The following ITGB5 variants were observed in gnomAD, a reference collection of about 807,000 sequenced individuals.
ITGB5 encodes integrin subunit beta 5.
A neutral mutation model predicts 84.8 loss-of-function variants in ITGB5; 38 were observed. The ratio of observed to expected loss-of-function variants is 0.45; its 90% confidence interval spans 0.35 to 0.59. ITGB5 has a LOEUF of 0.59. Ranked by LOEUF, ITGB5 falls within the 20% of genes least tolerant of loss-of-function variation. The pLI is 0.01. For missense variants in ITGB5, 905 were observed against 1,034.5 expected, an observed-to-expected ratio of 0.87 and a Z score of 1.72; for synonymous variants, 393 against 414.4, an observed-to-expected ratio of 0.95 and a Z score of 0.63.
chr3:124,895,412 A>G (rs934800395), intron 1 of ITGB5, among the ~76,000 whole-genome samples: 12 of 152,078 alleles, frequency 7.9e-5, no homozygotes, highest in Non-Finnish European at 1.2e-4. Flanking sequence ...TTTTGTAGAG[A>G]CAGGGGTCCC....
rs773283596 is a variant in ITGB5, at chr3:124,764,671, G to A, written c.2138-114C>T. The A allele has an allele frequency of 2.1e-5, 21 of 992,190 alleles. No individual in the cohort carries two copies. In the South Asian group the frequency reaches 2.4e-4, roughly 11 times the overall value. 61.5% of individuals were successfully genotyped at this position (992,190 alleles called of 1,614,324 possible). A position where few individuals can be genotyped will look rare whatever the true frequency, so the allele number is the denominator to read the frequency against. Reference sequence around the variant, plus strand: ...CACCCCTTCCAAAGGCCTTCTCCTCGGCTCTCCCTTAGATCCTCAGGAGGG... The same window carrying A: ...CACCCCTTCCAAAGGCCTTCTCCTCAGCTCTCCCTTAGATCCTCAGGAGGG... On this transcript the variant is annotated intron_variant, in intron 13 of 14. Transcript: ENST00000296181.
intron 3 of ITGB5, among the ~76,000 whole-genome samples, chr3:124,854,906 G>C (rs144039317): frequency 5.7e-4 from 87 of 152,294 alleles, no homozygotes; most frequent in African/African-American, 1.9e-3. Flanking sequence ...GCTGAGGCTT[G>C]TCCTTGATTA....
rs1396153460 is a variant in ITGB5 at position 124,762,309 on chromosome 3, G to A, written c.*1314C>T. The A allele has an allele frequency of 6.6e-6, 1 of 152,192 alleles. No homozygotes were observed. The highest frequency in any genetic ancestry group is 1.9e-4 in the East Asian group (1 of 5,188). 9.4% of individuals were successfully genotyped at this position (152,192 alleles called of 1,614,324 possible). Reference sequence around the variant, plus strand: ...ATGATCAGTGAAAGATTTTCTAAGAGCAAGCAGGAATGAGGAGGCTGGCCC... The same window carrying A: ...ATGATCAGTGAAAGATTTTCTAAGAACAAGCAGGAATGAGGAGGCTGGCCC... On this transcript the variant is annotated 3_prime_UTR_variant, in exon 15 of 15. Coordinates refer to ENST00000296181, the MANE Select transcript of ITGB5 (RefSeq NM_002213.5).
chr3:124,857,489 G>A (rs1040295695), intron 3 of ITGB5, among the ~76,000 whole-genome samples: 3 of 152,150 alleles, frequency 2.0e-5, no homozygotes, highest in Non-Finnish European at 2.9e-5. Flanking sequence ...GAACCCAAGA[G>A]AGCCAGCCAG....
intron 9 of ITGB5, among the ~76,000 whole-genome samples, chr3:124,803,625 G>C (rs2064349788): frequency 6.6e-6 from 1 of 152,180 alleles, no homozygotes; most frequent in South Asian, 2.1e-4. Context: ...TGGGTGAGCT[G>C]GGGCAAGTCA....
chr3:124,833,785 T>C (rs2064890668), intron 5 of ITGB5, among the ~76,000 whole-genome samples: 1 of 152,180 alleles, frequency 6.6e-6, no homozygotes, highest in Non-Finnish European at 1.5e-5. Flanking sequence ...TGCCCAGCAG[T>C]GTCTGGTGCT....
In ITGB5 at chr3:124,801,125, C is replaced by T. The variant is rs551994362; in HGVS notation, c.1264-4308G>A. Among the ~76,000 whole-genome samples the T allele has an allele frequency of 1.2e-4, 19 of 152,256 alleles. No individual in the cohort carries two copies. In the East Asian group the frequency reaches 3.5e-3, roughly 28 times the overall value. ...GGGATGGGCACAGGCTACAGAGTCC[C>T]GAGGAGTGGACGGGAGCGGGGAGGG... On this transcript the variant is annotated intron_variant, in intron 9 of 14. Transcript: ENST00000296181.
intron 2 of ITGB5, among the ~76,000 whole-genome samples, chr3:124,868,400 G>C (rs1201403496): frequency 6.9e-6 from 1 of 145,200 alleles, no homozygotes; most frequent in African/African-American, 2.9e-5. Context: ...CATACATCCT[G>C]GTCTCAGAGT....
intron 8 of ITGB5, among the ~76,000 whole-genome samples, chr3:124,810,917 T>C (rs1371325142): frequency 2.0e-5 from 3 of 151,740 alleles, no homozygotes; most frequent in Non-Finnish European, 4.4e-5. Flanking sequence ...GTTTTCTTTC[T>C]TTCTTTCTTT....
intron 8 of ITGB5, among the ~76,000 whole-genome samples, chr3:124,815,832 C>G (rs193284718): frequency 6.6e-6 from 1 of 152,216 alleles, no homozygotes; most frequent in African/African-American, 2.4e-5. Context: ...CGTGTTCCCC[C>G]TCTTCCTGAA....
chr3:124,793,490 G>A (rs1197242389), intron 10 of ITGB5, among the ~76,000 whole-genome samples: 3 of 152,254 alleles, frequency 2.0e-5, no homozygotes, highest in Admixed American at 2.0e-4. Flanking sequence ...GGGAAGGCGG[G>A]GCCCTCCTGC....
intron 10 of ITGB5, among the ~76,000 whole-genome samples, chr3:124,790,738 G>A (rs1038111070): frequency 2.0e-5 from 3 of 151,888 alleles, no homozygotes; most frequent in South Asian, 4.2e-4. Context: ...GGGAGAGAAC[G>A]GAGGATGCCC....
chr3:124,780,457 A>AAAC (rs2063987570), intron 10 of ITGB5, among the ~76,000 whole-genome samples: 1 of 152,226 alleles, frequency 6.6e-6, no homozygotes, highest in Non-Finnish European at 1.5e-5. Flanking sequence ...AGCTGGCTCA[A>AAAC]AAATAGTTTC....
intron 6 of ITGB5, among the ~76,000 whole-genome samples, chr3:124,820,338 G>C (rs192161800): frequency 2.6e-5 from 4 of 152,278 alleles, no homozygotes; most frequent in African/African-American, 9.6e-5. Flanking sequence ...GGCTCAGACG[G>C]GCAGAGGAGG....
chr3:124,837,009 T>TG (rs2064943947), intron 5 of ITGB5, among the ~76,000 whole-genome samples: 2 of 152,166 alleles, frequency 1.3e-5, no homozygotes, highest in South Asian at 4.1e-4. Flanking sequence ...GGAAACGCAT[T>TG]GGGTTGCACT....
At chr3:124,871,546 C>A (rs1031536235) in intron 2 of ITGB5, among the ~76,000 whole-genome samples, 4 of 152,256 alleles carry the variant, frequency 2.6e-5, no homozygotes, top group African/African-American at 7.2e-5. Flanking sequence ...AAAGGAGGGG[C>A]CGGGCATGGT....
intron 7 of ITGB5, among the ~76,000 whole-genome samples, chr3:124,818,971 A>C (rs1352350532): frequency 6.6e-6 from 1 of 152,204 alleles, no homozygotes; most frequent in African/African-American, 2.4e-5. Flanking sequence ...CACGTAAAAG[A>C]ATCTCAGAGA....
intron 5 of ITGB5, among the ~76,000 whole-genome samples, chr3:124,837,836 T>C (rs999839256): frequency 6.6e-6 from 1 of 152,152 alleles, no homozygotes; most frequent in Non-Finnish European, 1.5e-5. Context: ...ATCAGCTCCA[T>C]CTCCAGGGCA....
At position 124,852,630 on chromosome 3, in the gene ITGB5, CT is replaced by C. The variant is rs200498947; in HGVS notation, c.362-4073del. On this transcript the variant is annotated intron_variant, in intron 3 of 14. Transcript: ENST00000296181. ...TAAAAAGTGAAAAGTTGGCATTTTC[CT>C]TAGGGATATATATCAAATGACAAAC... Among the ~76,000 whole-genome samples, 968 of 152,072 alleles carry C rather than the reference CT, an allele frequency of 6.4e-3. 8 individuals are homozygous for C. Among genetic ancestry groups the C allele is most frequent in the African/African-American group, 0.022 (896 of 41,470 alleles).
Sources: allele counts gnomAD v4.1 joint callset (sites outside exome capture counted in the v4.1 genomes callset), GRCh38; gene constraint gnomAD v4.1.1; transcripts MANE v1.5; gene names NCBI Gene and HGNC (gene_info 2026-07-23, HGNC 2026-07-21).